HS6ST3: variants seen among roughly 807,000 people sequenced by gnomAD.
The protein encoded by HS6ST3 is heparan sulfate 6-O-sulfotransferase 3.
Under a neutral mutation model 36.7 loss-of-function variants are expected in HS6ST3, and 12 were observed. That is an observed-to-expected ratio of 0.33 (90% CI 0.21 to 0.53). The LOEUF (loss-of-function observed/expected upper bound fraction) is 0.53. Among genes scored for constraint, HS6ST3 ranks in the 20% least tolerant of loss-of-function variants. HS6ST3 has a pLI of 0.95. For missense variants in HS6ST3, 584 were observed against 640.9 expected, an observed-to-expected ratio of 0.91 and a Z score of 0.96; for synonymous variants, 240 against 257.5, an observed-to-expected ratio of 0.93 and a Z score of 0.65.
intron 1 of HS6ST3, among the ~76,000 whole-genome samples, chr13:96,156,503 C>T (rs903047267): frequency 5.3e-5 from 8 of 152,176 alleles, no homozygotes; most frequent in African/African-American, 1.9e-4. Flanking sequence ...CCACTTCTTA[C>T]CATCAAATTT....
intron 1 of HS6ST3, among the ~76,000 whole-genome samples, chr13:96,327,617 G>A (rs1296099698): frequency 2.0e-5 from 3 of 151,780 alleles, no homozygotes; most frequent in African/African-American, 7.3e-5. Context: ...GTAGCGTGAT[G>A]CCTCCAGCTT....
chr13:96,476,290 G>A (rs974406369), intron 1 of HS6ST3, among the ~76,000 whole-genome samples: 5 of 152,132 alleles, frequency 3.3e-5, no homozygotes, highest in Non-Finnish European at 7.4e-5. Context: ...CACGTACAAT[G>A]GATGGGTTGC....
intron 1 of HS6ST3, among the ~76,000 whole-genome samples, chr13:96,310,956 C>G (rs2054938133): frequency 6.6e-6 from 1 of 152,098 alleles, no homozygotes; most frequent in African/African-American, 2.4e-5. Flanking sequence ...TCTGACCACC[C>G]CCATGAAACA....
intron 1 of HS6ST3, among the ~76,000 whole-genome samples, chr13:96,551,712 A>T (rs1258803171): frequency 6.6e-6 from 1 of 152,222 alleles, no homozygotes; most frequent in East Asian, 1.9e-4. Context: ...ATGTTTACTC[A>T]GGATGCAAAG....
At chr13:96,566,598 G>T (rs1318409574) in intron 1 of HS6ST3, among the ~76,000 whole-genome samples, 3 of 152,082 alleles carry the variant, frequency 2.0e-5, no homozygotes, top group Non-Finnish European at 2.9e-5. Context: ...AGAGCAACGG[G>T]AAGTCCCAAT....
At chr13:96,729,668 T>C (rs1163191320) in intron 1 of HS6ST3, among the ~76,000 whole-genome samples, 1 of 151,974 alleles carries the variant, frequency 6.6e-6, no homozygotes, top group African/African-American at 2.4e-5. Context: ...AGTTTCACCA[T>C]GTTGGCCAGG....
At chr13:96,226,402 C>G (rs888530960) in intron 1 of HS6ST3, among the ~76,000 whole-genome samples, 1 of 152,140 alleles carries the variant, frequency 6.6e-6, no homozygotes, top group African/African-American at 2.4e-5. Flanking sequence ...TTCCTGTAAT[C>G]CCAGCTACTC....
chr13:96,735,008 C>A (rs1196940479), intron 1 of HS6ST3, among the ~76,000 whole-genome samples: 2 of 152,132 alleles, frequency 1.3e-5, no homozygotes, highest in Admixed American at 6.5e-5. Flanking sequence ...TGAGATGCTG[C>A]AGAGCTATTT....
At chr13:96,265,670 G>A (rs1008509053) in intron 1 of HS6ST3, among the ~76,000 whole-genome samples, 5 of 152,150 alleles carry the variant, frequency 3.3e-5, no homozygotes, top group Admixed American at 2.6e-4. Flanking sequence ...GTGGTGATGC[G>A]GGGAGGGGTC....
intron 1 of HS6ST3, among the ~76,000 whole-genome samples, chr13:96,201,279 A>G (rs1358674608): frequency 6.6e-6 from 1 of 152,084 alleles, no homozygotes; most frequent in Non-Finnish European, 1.5e-5. Context: ...ATGAGAGCTG[A>G]TCTGCTTTCC....
intron 1 of HS6ST3, among the ~76,000 whole-genome samples, chr13:96,133,931 CAT>C (rs2139313226): frequency 6.7e-6 from 1 of 149,770 alleles, no homozygotes; most frequent in African/African-American, 2.5e-5. Flanking sequence ...TGGATTAAAA[CAT>C]GTAATCCATT....
intron 1 of HS6ST3, among the ~76,000 whole-genome samples, chr13:96,360,653 A>G (rs1322344201): frequency 6.6e-6 from 1 of 151,428 alleles, no homozygotes; most frequent in Non-Finnish European, 1.5e-5. Context: ...TATCAAAAAA[A>G]AAAAAAAAAA....
At position 96,090,815 on chromosome 13, in the gene HS6ST3, TGCCGCCGCCGCC is replaced by T; in HGVS notation, c.-39_-28del. ...CTTCCGAGCGGGCGCCCGTCCGCCC[TGCCGCCGCCGCC>T]GCCGCCGCTTCGCCTGCCGGCCTGA... On this transcript the variant is annotated 5_prime_UTR_variant, in exon 1 of 2. Transcript: ENST00000376705. The T allele has an allele frequency of 7.0e-7, 1 of 1,431,434 alleles. No homozygotes were observed. The highest frequency in any genetic ancestry group is 9.2e-7 in the Non-Finnish European group (1 of 1,085,016). The allele number at this position is 1,431,434 out of a possible 1,614,324, so 88.7% of individuals were successfully genotyped here.
At chr13:96,488,728 GTTTTTC>G (rs1594791760) in intron 1 of HS6ST3, among the ~76,000 whole-genome samples, 1 of 151,978 alleles carries the variant, frequency 6.6e-6, no homozygotes, top group Admixed American at 6.6e-5. Flanking sequence ...CTGCATGATA[GTTTTTC>G]TTTTTAAAGT....
intron 1 of HS6ST3, among the ~76,000 whole-genome samples, chr13:96,294,997 TA>T (rs1254764971): frequency 6.6e-6 from 1 of 152,114 alleles, no homozygotes; most frequent in Non-Finnish European, 1.5e-5. Context: ...TTAGTTATGT[TA>T]AAGGAGTCAT....
At chr13:96,428,891 G>A (rs1315522031) in intron 1 of HS6ST3, among the ~76,000 whole-genome samples, 2 of 152,316 alleles carry the variant, frequency 1.3e-5, no homozygotes, top group East Asian at 3.9e-4. Flanking sequence ...GGAGAACCAA[G>A]CTGCTTAAGC....
chr13:96,578,453 CA>C (rs1214497267), intron 1 of HS6ST3, among the ~76,000 whole-genome samples: 1 of 152,172 alleles, frequency 6.6e-6, no homozygotes. Flanking sequence ...CCACTACCTG[CA>C]GTGTGAGTGG....
At chr13:96,342,712 G>A (rs757164468) in intron 1 of HS6ST3, among the ~76,000 whole-genome samples, 34 of 152,072 alleles carry the variant, frequency 2.2e-4, no homozygotes, top group Non-Finnish European at 3.7e-4. Flanking sequence ...TTTTCAAATG[G>A]TTCATTTGGT....
At chr13:96,613,670 T>C (rs1215757366) in intron 1 of HS6ST3, among the ~76,000 whole-genome samples, 1 of 152,246 alleles carries the variant, frequency 6.6e-6, no homozygotes, top group African/African-American at 2.4e-5. Context: ...TTAAGTTCTC[T>C]GCATTTTAAA....
Sources: gnomAD v4.1 joint callset for allele counts (sites outside exome capture counted in the v4.1 genomes callset) on GRCh38, gnomAD v4.1.1 for gene constraint, MANE v1.5 for transcripts, NCBI Gene and HGNC (gene_info 2026-07-23, HGNC 2026-07-21) for gene names.